SPON1: variants seen among roughly 807,000 people sequenced by gnomAD.
The protein encoded by SPON1 is spondin 1.
A neutral mutation model predicts 111.7 loss-of-function variants in SPON1; 52 were observed. That is an observed-to-expected ratio of 0.47 (90% confidence interval 0.37 to 0.59). The LOEUF (loss-of-function observed/expected upper bound fraction) is 0.59. Among genes scored for constraint, SPON1 ranks in the 20% least tolerant of loss-of-function variants. The pLI is 0.00. For synonymous variants in SPON1, 410 were observed against 395.8 expected (o/e 1.04, Z -0.43); for missense variants, 957 against 1,068.5 (o/e 0.90, Z 1.46).
intron 6 of SPON1, among the ~76,000 whole-genome samples, chr11:14,163,178 A>C (rs1847987439): frequency 6.6e-6 from 1 of 152,164 alleles, no homozygotes; most frequent in Admixed American, 6.5e-5. Flanking sequence ...AGACTTCTAA[A>C]CACTTTACAT....
rs191015194 is a variant in SPON1 at position 14,262,161 on chromosome 11, C to T, written c.1997-551C>T. ...TCTCTACTGAATGTCCCATTTCTGGCTCCTGTGTTTTTTGCATAGACCACC... is the reference window on the plus strand; with the variant it reads ...TCTCTACTGAATGTCCCATTTCTGGTTCCTGTGTTTTTTGCATAGACCACC... On this transcript the variant is annotated intron_variant, in intron 14 of 15. Coordinates refer to ENST00000576479, the MANE Select transcript of SPON1 (RefSeq NM_006108.4). Among the ~76,000 whole-genome samples, 20 of 152,322 alleles carry T rather than the reference C, an allele frequency of 1.3e-4. No homozygotes were observed. The East Asian group carries it at 2.5e-3, about 19-fold the overall frequency.
intron 2 of SPON1, among the ~76,000 whole-genome samples, chr11:14,011,513 G>A (rs953793633): frequency 2.0e-5 from 3 of 151,778 alleles, no homozygotes; most frequent in Non-Finnish European, 2.9e-5. Flanking sequence ...CCACTCATGA[G>A]TGGATTCCTA....
chr11:14,259,263 C>A lies in SPON1; in HGVS notation c.1493-17C>A. Reference sequence around the variant, plus strand: ...TGCCACCGTGCACTGCTGCAGCGTTCACTCGGTGTGTTGCAGACGGCTCCA... The same window carrying A: ...TGCCACCGTGCACTGCTGCAGCGTTAACTCGGTGTGTTGCAGACGGCTCCA... On this transcript the variant is annotated splice_polypyrimidine_tract_variant and intron_variant, in intron 11 of 15. Transcript: ENST00000576479. The surrounding 1 kb of genome is among the most constrained non-coding windows in gnomAD (Gnocchi z 5.0). The A allele has an allele frequency of 6.3e-7, 1 of 1,599,718 alleles. No homozygotes were observed. Among genetic ancestry groups the A allele is most frequent in the South Asian group, 1.1e-5 (1 of 88,440 alleles).
intron 6 of SPON1, among the ~76,000 whole-genome samples, chr11:14,164,783 G>T (rs560380019): frequency 2.6e-5 from 4 of 152,114 alleles, no homozygotes; most frequent in Admixed American, 2.6e-4. Context: ...ATAACTTGGT[G>T]GGTGGGGGGA....
chr11:13,980,596 G>A (rs879966787), intron 1 of SPON1, among the ~76,000 whole-genome samples: 5 of 151,682 alleles, frequency 3.3e-5, no homozygotes, highest in Non-Finnish European at 5.9e-5. Flanking sequence ...ACAACGTGCA[G>A]GTTTGTTACA....
chr11:14,188,602 G>A (rs548572776), intron 6 of SPON1, among the ~76,000 whole-genome samples: 1 of 152,178 alleles, frequency 6.6e-6, no homozygotes, highest in South Asian at 2.1e-4. Context: ...CGGGGACCCA[G>A]GATGTATCTC....
intron 5 of SPON1, among the ~76,000 whole-genome samples, chr11:14,081,097 A>G (rs1848958647): frequency 6.6e-6 from 1 of 152,082 alleles, no homozygotes. Flanking sequence ...AAAAAAAAAA[A>G]TCTTTTCATA....
Position 13,987,952 on chromosome 11 carries a change from T to C in SPON1, c.345+4999T>C, listed in dbSNP as rs566040042. Among the ~76,000 whole-genome samples, 145 of 152,332 alleles carry C rather than the reference T, an allele frequency of 9.5e-4. 1 individual carries two copies. The highest frequency in any genetic ancestry group is 3.4e-3 in the African/African-American group (140 of 41,580). ...CAGTATCATGCTGTTTTGGTTACTG[T>C]AGCCTTGTAGTATAGTTTGAAGTCA... On this transcript the variant is annotated intron_variant, in intron 2 of 15. Transcript: ENST00000576479.
At chr11:13,972,153 G>A (rs1406228300) in intron 1 of SPON1, among the ~76,000 whole-genome samples, 1 of 152,156 alleles carries the variant, frequency 6.6e-6, no homozygotes, top group Non-Finnish European at 1.5e-5. Context: ...TGCCCCAGAT[G>A]TGGTCTGTTA....
intron 6 of SPON1, among the ~76,000 whole-genome samples, chr11:14,234,299 T>A (rs1236370083): frequency 6.6e-6 from 1 of 152,142 alleles, no homozygotes; most frequent in African/African-American, 2.4e-5. Context: ...GGCCCCCTTT[T>A]CCCTTCTTTG....
At chr11:14,124,324 T>TTCCTAACTGCTACTTA (rs1369284714) in intron 5 of SPON1, among the ~76,000 whole-genome samples, 1 of 152,220 alleles carries the variant, frequency 6.6e-6, no homozygotes, top group Non-Finnish European at 1.5e-5. Context: ...CCTACCTGCC[T>TTCCTAACTGCTACTTA]TCCTAACTGC....
chr11:14,125,783 A>G (rs1554926948), intron 5 of SPON1, among the ~76,000 whole-genome samples: 1 of 152,262 alleles, frequency 6.6e-6, no homozygotes, highest in East Asian at 1.9e-4. Context: ...GGCGGTGGTG[A>G]AGAGATTTAT....
In SPON1 at chr11:14,262,912, G is replaced by C. The variant is rs782641977; in HGVS notation, c.2197G>C (p.Glu733Gln). ...ATCCATCCAAAAGCTACGCTGGAGG[G>C]AGGCCCGAGAGAGCCGGCGGAGTGA... ...NPSIQKLRWR[E>Q]ARESRRSEQL... Residue 733 changes from glutamate (E) to glutamine (Q), a missense_variant, in exon 15 of 16, where the codon GAG (glutamate) becomes CAG (glutamine). Coordinates refer to ENST00000576479, the MANE Select transcript of SPON1 (RefSeq NM_006108.4). 1.2e-6 allele frequency: 2 copies of C among 1,613,754 alleles called. No individual in the cohort carries two copies. Among genetic ancestry groups the C allele is most frequent in the Admixed American group, 3.3e-5 (2 of 59,996 alleles).
Position 14,239,239 on chromosome 11 carries a change from A to G in SPON1, c.826-4093A>G, listed in dbSNP as rs542330101. The stretch of plus-strand genomic sequence containing the variant: ...TCAGGCAGCGCAAGTCAATTCTGAT[A>G]TGAACTTACCCTGAATGTAAGTAAA... On this transcript the variant is annotated intron_variant, in intron 6 of 15. Coordinates refer to ENST00000576479, the MANE Select transcript of SPON1 (RefSeq NM_006108.4). Among the ~76,000 whole-genome samples, 9 of 152,348 alleles carry G rather than the reference A, an allele frequency of 5.9e-5. No individual in the cohort carries two copies. The East Asian group carries it at 1.2e-3, about 20-fold the overall frequency.
intron 2 of SPON1, among the ~76,000 whole-genome samples, chr11:14,039,119 C>G (rs534261884): frequency 1.3e-5 from 2 of 152,032 alleles, no homozygotes; most frequent in African/African-American, 4.8e-5. Context: ...TGTATGATTC[C>G]AATTCTATGA....
chr11:14,178,246 C>T (rs954913378), intron 6 of SPON1, among the ~76,000 whole-genome samples: 12 of 152,052 alleles, frequency 7.9e-5, no homozygotes, highest in Non-Finnish European at 1.0e-4. Flanking sequence ...CATGGTGAAA[C>T]CCCATCTCTA....
At chr11:14,046,266 T>C (rs1848667484) in intron 3 of SPON1, among the ~76,000 whole-genome samples, 1 of 152,188 alleles carries the variant, frequency 6.6e-6, no homozygotes, top group Non-Finnish European at 1.5e-5. Flanking sequence ...CCAACCCTAC[T>C]CCTTTCTCTA....
intron 5 of SPON1, among the ~76,000 whole-genome samples, chr11:14,108,889 A>T (rs1011725201): frequency 6.6e-6 from 1 of 152,122 alleles, no homozygotes; most frequent in Non-Finnish European, 1.5e-5. Flanking sequence ...CCCCAGGAGC[A>T]CATAAGCAAT....
intron 6 of SPON1, among the ~76,000 whole-genome samples, chr11:14,204,626 A>C (rs1385127948): frequency 1.3e-5 from 2 of 151,362 alleles, no homozygotes; most frequent in African/African-American, 4.9e-5. Context: ...GAGGCTTAAA[A>C]ACAAAGTATG....
Sources: gnomAD v4.1 joint callset for allele counts (sites outside exome capture counted in the v4.1 genomes callset) on GRCh38, gnomAD v4.1.1 for gene constraint, Gnocchi (gnomAD v3.1) non-coding constraint, MANE v1.5 for transcripts, NCBI Gene and HGNC (gene_info 2026-07-23, HGNC 2026-07-21) for gene names.